NBAS: variants seen among roughly 807,000 people sequenced by gnomAD.
The protein encoded by NBAS is NBAS subunit of NRZ tethering complex, also known as NAG/BC035112 fusion.
Under a neutral mutation model 302.5 loss-of-function variants are expected in NBAS, and 219 were observed. The observed-to-expected ratio is 0.72, with a 90% CI of 0.65 to 0.81. The LOEUF (loss-of-function observed/expected upper bound fraction) is 0.81, where lower values mean the gene tolerates loss of function less well. Among genes scored for constraint, NBAS ranks in the 30% least tolerant of loss-of-function variants. NBAS has a pLI of 0.00. For missense variants in NBAS, 2,932 were observed against 2,841.6 expected (o/e 1.03, Z -0.72); for synonymous variants, 1,118 against 1,021.6 (o/e 1.09, Z -1.80).
intron 45 of NBAS, among the ~76,000 whole-genome samples, chr2:15,237,681 C>T (rs1374698454): frequency 2.6e-5 from 4 of 151,086 alleles, no homozygotes; most frequent in Admixed American, 6.6e-5. Flanking sequence ...CCGCAACCTC[C>T]GCCTCCCAGG....
intron 25 of NBAS, among the ~76,000 whole-genome samples, chr2:15,406,600 A>C (rs1052433115): frequency 2.0e-5 from 3 of 152,210 alleles, no homozygotes; most frequent in Non-Finnish European, 4.4e-5. Context: ...ATGACACAAT[A>C]AACAAAGTCA....
the NBAS span, among the ~76,000 whole-genome samples, chr2:14,788,757 G>T: frequency 6.6e-6 from 1 of 152,206 alleles, no homozygotes; most frequent in Non-Finnish European, 1.5e-5. Context: ...GTGCCTCCCA[G>T]TTAGGCTGCT....
chr2:15,396,601 T>C, intron 26 of NBAS, 126 bp from the exon 27 acceptor site: 1 of 595,152 alleles, frequency 1.7e-6, no homozygotes, highest in Non-Finnish European at 2.9e-6. Context: ...CAATATTATC[T>C]AAATTCATTC....
intron 28 of NBAS, among the ~76,000 whole-genome samples, chr2:15,385,508 T>C (rs1028458968): frequency 2.6e-5 from 4 of 152,138 alleles, no homozygotes; most frequent in Non-Finnish European, 4.4e-5. Flanking sequence ...TTTAAGAATA[T>C]ATTCAGTAAA....
chr2:15,121,928 C>T, the NBAS span, among the ~76,000 whole-genome samples: 1 of 152,096 alleles, frequency 6.6e-6, no homozygotes, highest in Non-Finnish European at 1.5e-5. Flanking sequence ...TTATTTTCTG[C>T]ATTAAGAAAC....
At chr2:15,360,835 C>T (rs538318556) in intron 32 of NBAS, among the ~76,000 whole-genome samples, 1 of 152,212 alleles carries the variant, frequency 6.6e-6, no homozygotes, top group Non-Finnish European at 1.5e-5. Context: ...CCTATGATAT[C>T]AATGCCTTCT....
intron 48 of NBAS, among the ~76,000 whole-genome samples, chr2:15,203,596 A>G (rs2147837896): frequency 6.6e-6 from 1 of 152,336 alleles, no homozygotes; most frequent in Non-Finnish European, 1.5e-5. Flanking sequence ...ATAGAATGAC[A>G]AGAACAAATA....
Position 15,542,658 on chromosome 2 carries a change from T to A in NBAS, c.380-3302A>T, listed in dbSNP as rs549693669. Among the ~76,000 whole-genome samples, 761 of 147,694 alleles carry A rather than the reference T, an allele frequency of 5.2e-3. 9 individuals carry two copies. Among genetic ancestry groups the A allele is most frequent in the African/African-American group, 0.018 (704 of 40,222 alleles). The stretch of plus-strand genomic sequence containing the variant: ...AAATAAATAAATAAGATAAAAAAAA[T>A]AAAAAAAAAATCAAACTTCAAAGCA... On this transcript the variant is annotated intron_variant, in intron 6 of 51. Coordinates refer to ENST00000281513, the MANE Select transcript of NBAS (RefSeq NM_015909.4).
At chr2:15,144,629 A>G in the NBAS span, among the ~76,000 whole-genome samples, 3 of 152,274 alleles carry the variant, frequency 2.0e-5, no homozygotes, top group South Asian at 2.1e-4. Context: ...TATCGAACAC[A>G]TCACTACAGC....
At chr2:15,235,649 C>A (rs1317954036) in intron 45 of NBAS, among the ~76,000 whole-genome samples, 1 of 151,950 alleles carries the variant, frequency 6.6e-6, no homozygotes, top group Non-Finnish European at 1.5e-5. Flanking sequence ...TTTAAAGTAT[C>A]TTTTAGAGAT....
chr2:15,009,715 T>C, the NBAS span, among the ~76,000 whole-genome samples: 1 of 147,030 alleles, frequency 6.8e-6, no homozygotes, highest in African/African-American at 2.5e-5. Context: ...TATATATATA[T>C]ATATACGGTG....
chr2:14,786,076 C>T, the NBAS span, among the ~76,000 whole-genome samples: 1 of 152,160 alleles, frequency 6.6e-6, no homozygotes, highest in Non-Finnish European at 1.5e-5. Context: ...AGGAATTTAT[C>T]CATTTCTTCT....
At chr2:15,150,444 T>G in the NBAS span, among the ~76,000 whole-genome samples, 2 of 152,172 alleles carry the variant, frequency 1.3e-5, no homozygotes, top group African/African-American at 2.4e-5. Flanking sequence ...CAAGTCAGAT[T>G]ACCTATGATA....
intron 40 of NBAS, among the ~76,000 whole-genome samples, chr2:15,302,611 G>T (rs1297349782): frequency 6.6e-6 from 1 of 152,194 alleles, no homozygotes; most frequent in Non-Finnish European, 1.5e-5. Flanking sequence ...CATGAGGGCA[G>T]GAGAGCTCCA....
intron 21 of NBAS, among the ~76,000 whole-genome samples, chr2:15,458,753 T>C (rs375026495): frequency 1.3e-5 from 2 of 152,176 alleles, no homozygotes; most frequent in Non-Finnish European, 2.9e-5. Flanking sequence ...GACAGAGATA[T>C]TATTGTAACC....
chr2:14,879,651 G>T, the NBAS span, among the ~76,000 whole-genome samples: 1 of 152,106 alleles, frequency 6.6e-6, no homozygotes, highest in African/African-American at 2.4e-5. Flanking sequence ...ATAGATTAAA[G>T]AGAAACTCAA....
the NBAS span, among the ~76,000 whole-genome samples, chr2:14,921,102 T>C: frequency 2.0e-5 from 3 of 152,224 alleles, no homozygotes; most frequent in South Asian, 6.2e-4. Context: ...TCCTTTCACT[T>C]GAATGCTTAG....
intron 44 of NBAS, among the ~76,000 whole-genome samples, chr2:15,242,432 TTTTA>T (rs1667906203): frequency 6.6e-6 from 1 of 152,176 alleles, no homozygotes; most frequent in African/African-American, 2.4e-5. Flanking sequence ...ATGTAAGGTG[TTTTA>T]TTTGACTAGG....
At chr2:15,076,458 A>T in the NBAS span, among the ~76,000 whole-genome samples, 1 of 152,176 alleles carries the variant, frequency 6.6e-6, no homozygotes, top group East Asian at 1.9e-4. Context: ...GCCTATATAA[A>T]ATTTTTGTGA....
Sources: gnomAD v4.1 joint callset for allele counts (sites outside exome capture counted in the v4.1 genomes callset) on GRCh38, gnomAD v4.1.1 for gene constraint, MANE v1.5 for transcripts, NCBI Gene and HGNC (gene_info 2026-07-23, HGNC 2026-07-21) for gene names.